CCDC85C: variants seen among roughly 807,000 people sequenced by gnomAD.
CCDC85C encodes coiled-coil domain-containing protein 85C.
A neutral mutation model predicts 38.3 loss-of-function variants in CCDC85C; 18 were observed. The ratio of observed to expected loss-of-function variants is 0.47; its 90% CI spans 0.33 to 0.70. CCDC85C has a LOEUF of 0.70. Ranked by LOEUF, CCDC85C falls within the 30% of genes least tolerant of loss-of-function variation. CCDC85C has a pLI of 0.03. For synonymous variants in CCDC85C, 264 were observed against 293.8 expected, an observed-to-expected ratio of 0.90 and a Z score of 1.04; for missense variants, 566 against 621.2, an observed-to-expected ratio of 0.91 and a Z score of 0.94.
At chr14:99,577,733 C>A (rs1257468675) in intron 1 of CCDC85C, among the ~76,000 whole-genome samples, 4 of 146,650 alleles carry the variant, frequency 2.7e-5, no homozygotes, top group African/African-American at 7.8e-5. Flanking sequence ...CGTCCTGCAT[C>A]CCCCATCAGT....
At chr14:99,524,710 T>G (rs1897350678) in intron 2 of CCDC85C, among the ~76,000 whole-genome samples, 1 of 152,204 alleles carries the variant, frequency 6.6e-6, no homozygotes, top group Non-Finnish European at 1.5e-5. Flanking sequence ...CTTTGCAGAA[T>G]GAGATTCCCT....
Position 99,520,830 on chromosome 14 carries a change from C to T in CCDC85C, c.975+1303G>A, listed in dbSNP as rs1253519992. Among the ~76,000 whole-genome samples the T allele has an allele frequency of 6.6e-6, 1 of 152,194 alleles. No individual in the cohort carries two copies. On this transcript the variant is annotated intron_variant, in intron 3 of 5. Transcript: ENST00000380243. The surrounding 1 kb of genome is among the most constrained non-coding windows in gnomAD (Gnocchi z 4.1). ...GACACCCCTTCATGCACAGAGCAGT[C>T]TAGAGGAAAAAAGGAGGCAAGAGGA... is the stretch of plus-strand genomic sequence containing the variant.
rs3918092 is a variant in CCDC85C, at chr14:99,504,007, G to C, written c.*11239C>G. 3.1e-4 allele frequency: 109 copies of C among 352,736 alleles called. No homozygotes were observed. Among genetic ancestry groups the C allele is most frequent in the South Asian group, 1.2e-3 (57 of 45,692 alleles). 21.9% of individuals were successfully genotyped at this position (352,736 alleles called of 1,614,324 possible). On this transcript the variant is annotated 3_prime_UTR_variant, in exon 6 of 6. Transcript: ENST00000380243. ...CCAAGCACCAAGCCACAGCAGATGCGGGGGGGCAGTAGGGGGTGGTGTGCT... is the reference window on the plus strand; with the variant it reads ...CCAAGCACCAAGCCACAGCAGATGCCGGGGGGCAGTAGGGGGTGGTGTGCT...
intron 3 of CCDC85C, among the ~76,000 whole-genome samples, chr14:99,518,677 C>T (rs944159682): frequency 3.9e-5 from 6 of 152,192 alleles, no homozygotes; most frequent in Admixed American, 1.3e-4. Flanking sequence ...AGAACACAGG[C>T]CATGTGCCAG....
At chr14:99,553,625 A>C (rs770051826) in intron 1 of CCDC85C, among the ~76,000 whole-genome samples, 9 of 152,138 alleles carry the variant, frequency 5.9e-5, no homozygotes, top group Non-Finnish European at 1.0e-4. Flanking sequence ...GGCCTCCCAA[A>C]GTGCTGGGAT....
intron 1 of CCDC85C, among the ~76,000 whole-genome samples, chr14:99,554,794 G>A (rs1006639432): frequency 6.6e-6 from 1 of 152,226 alleles, no homozygotes; most frequent in African/African-American, 2.4e-5. Context: ...CACAGTGAGT[G>A]GAGTAGAGTT....
In CCDC85C at chr14:99,506,935, CCTT is replaced by C. The variant is rs768732469; in HGVS notation, c.*8308_*8310del. The C allele has an allele frequency of 2.7e-5, 19 of 692,640 alleles. No individual in the cohort carries two copies. The highest frequency in any genetic ancestry group is 4.5e-5 in the Non-Finnish European group (17 of 378,046). The allele number at this position is 692,640 out of a possible 1,614,324, so 42.9% of individuals were successfully genotyped here. A position where few individuals can be genotyped will look rare whatever the true frequency, so the allele number is the denominator to read the frequency against. On this transcript the variant is annotated 3_prime_UTR_variant, in exon 6 of 6. Coordinates refer to ENST00000380243, the MANE Select transcript of CCDC85C (RefSeq NM_001144995.2). Reference sequence around the variant, plus strand: ...TTCATGCATAATGGTTTAGCTGAAACCTTCTTCAAGTTCCCTTAAAGCCTTGGT... The same window carrying C: ...TTCATGCATAATGGTTTAGCTGAAACCTTCAAGTTCCCTTAAAGCCTTGGT...
intron 1 of CCDC85C, among the ~76,000 whole-genome samples, chr14:99,564,445 G>A (rs570086383): frequency 1.6e-4 from 24 of 152,342 alleles, no homozygotes; most frequent in East Asian, 9.6e-4. Flanking sequence ...GAGCACGTCC[G>A]CACTTTTCTG....
Position 99,510,520 on chromosome 14 carries a change from TC to T in CCDC85C, c.*4725del. ...CCTGTGCCTCCTCCCCCAGCCTCCTTCCCCCCACCTGCCATCCCACCCCCTA... is the reference window on the plus strand; with the variant it reads ...CCTGTGCCTCCTCCCCCAGCCTCCTTCCCCCACCTGCCATCCCACCCCCTA... On this transcript the variant is annotated 3_prime_UTR_variant, in exon 6 of 6. Coordinates refer to ENST00000380243, the MANE Select transcript of CCDC85C (RefSeq NM_001144995.2). 5.4e-6 allele frequency: 2 copies of T among 367,398 alleles called. No individual in the cohort carries two copies. The highest frequency in any genetic ancestry group is 4.2e-5 in the Admixed American group (1 of 23,938). 22.8% of individuals were successfully genotyped at this position (367,398 alleles called of 1,614,324 possible).
At position 99,508,029 on chromosome 14, in the gene CCDC85C, CCT is replaced by C; in HGVS notation, c.*7215_*7216del. On this transcript the variant is annotated 3_prime_UTR_variant, in exon 6 of 6. Coordinates refer to ENST00000380243, the MANE Select transcript of CCDC85C (RefSeq NM_001144995.2). ...GGTCGATACTCCGGAGGCTTCCAAG[CCT>C]CTGTCAGCAGCTCCTCCAGCCTGCT... The C allele has an allele frequency of 6.6e-6, 1 of 152,380 alleles. No individual in the cohort carries two copies. Among genetic ancestry groups the C allele is most frequent in the South Asian group, 2.1e-4 (1 of 4,830 alleles). 9.4% of individuals were successfully genotyped at this position (152,380 alleles called of 1,614,324 possible).
intron 1 of CCDC85C, among the ~76,000 whole-genome samples, chr14:99,579,119 G>C (rs1325313024): frequency 6.6e-6 from 1 of 152,230 alleles, no homozygotes; most frequent in African/African-American, 2.4e-5. Context: ...TCTGACCCAG[G>C]TGGCCCTGAG....
In CCDC85C at chr14:99,541,656, C is replaced by T. The variant is rs1246708157; in HGVS notation, c.794-5568G>A. Reference sequence around the variant, plus strand: ...CACTGGGAGTATTAACGTCCCAGCACTGCCCAAGAGGAGAATGGACAGGAA... The same window carrying T: ...CACTGGGAGTATTAACGTCCCAGCATTGCCCAAGAGGAGAATGGACAGGAA... On this transcript the variant is annotated intron_variant, in intron 1 of 5. Coordinates refer to ENST00000380243, the MANE Select transcript of CCDC85C (RefSeq NM_001144995.2). Among the ~76,000 whole-genome samples, 3 of 152,192 alleles carry T rather than the reference C, an allele frequency of 2.0e-5. No individual in the cohort carries two copies. The East Asian group carries it at 5.8e-4, about 29-fold the overall frequency.
rs894958116 is a variant in CCDC85C at position 99,501,995 on chromosome 14, T to C, written c.*13251A>G. ...GGATGTGCTAGAATTCTTCTGATTC[T>C]TTAAGGAATAGAGAAATTACTAACT... is the stretch of plus-strand genomic sequence containing the variant. On this transcript the variant is annotated 3_prime_UTR_variant, in exon 6 of 6. Coordinates refer to ENST00000380243, the MANE Select transcript of CCDC85C (RefSeq NM_001144995.2). 16 of 453,530 alleles carry C rather than the reference T, an allele frequency of 3.5e-5. No homozygotes were observed. The South Asian group carries it at 4.9e-4, about 14-fold the overall frequency. The allele number at this position is 453,530 out of a possible 1,614,324, so 28.1% of individuals were successfully genotyped here. A position where few individuals can be genotyped will look rare whatever the true frequency, so the allele number is the denominator to read the frequency against.
chr14:99,563,546 G>A (rs1364903705), intron 1 of CCDC85C, among the ~76,000 whole-genome samples: 3 of 152,250 alleles, frequency 2.0e-5, no homozygotes, highest in Admixed American at 6.5e-5. Context: ...AGGGGGAGCC[G>A]GCAGAAGCAC....
At chr14:99,586,293 G>C (rs2055024731) in intron 1 of CCDC85C, among the ~76,000 whole-genome samples, 5 of 152,220 alleles carry the variant, frequency 3.3e-5, no homozygotes, top group Admixed American at 3.3e-4. Flanking sequence ...GGGGAGTGGG[G>C]ACGTGGCCAT....
chr14:99,568,246 C>CTTTTTTTTTTTTTTTTTTTTTTTTTTTTT lies in CCDC85C; in HGVS notation c.794-32159_794-32158insAAAAAAAAAAAAAAAAAAAAAAAAAAAAA, dbSNP rs776784723. Among the ~76,000 whole-genome samples, 4 of 114,488 alleles carry CTTTTTTTTTTTTTTTTTTTTTTTTTTTTT rather than the reference C, an allele frequency of 3.5e-5. 2 individuals are homozygous for CTTTTTTTTTTTTTTTTTTTTTTTTTTTTT. Among genetic ancestry groups the CTTTTTTTTTTTTTTTTTTTTTTTTTTTTT allele is most frequent in the Admixed American group, 2.0e-4 (2 of 10,018 alleles). The allele number at this position is 114,488 out of a possible 152,430, so 75.1% of individuals were successfully genotyped here. A position where few individuals can be genotyped will look rare whatever the true frequency, so the allele number is the denominator to read the frequency against. On this transcript the variant is annotated intron_variant, in intron 1 of 5. Coordinates refer to ENST00000380243, the MANE Select transcript of CCDC85C (RefSeq NM_001144995.2). ...AGACACTCTCTGGAGGCCACCTGCCCTTTATTTTTTTTTTTTTTTTTTTTG... is the reference window on the plus strand; with the variant it reads ...AGACACTCTCTGGAGGCCACCTGCCCTTTTTTTTTTTTTTTTTTTTTTTTTTTTTTTTATTTTTTTTTTTTTTTTTTTTG...
Position 99,506,715 on chromosome 14 carries a change from T to C in CCDC85C, c.*8531A>G, listed in dbSNP as rs1428263758. 4 of 259,968 alleles carry C rather than the reference T, an allele frequency of 1.5e-5. No individual in the cohort carries two copies. The highest frequency in any genetic ancestry group is 3.0e-5 in the Non-Finnish European group (4 of 131,708). 16.1% of individuals were successfully genotyped at this position (259,968 alleles called of 1,614,324 possible). On this transcript the variant is annotated 3_prime_UTR_variant, in exon 6 of 6. Coordinates refer to ENST00000380243, the MANE Select transcript of CCDC85C (RefSeq NM_001144995.2). The stretch of plus-strand genomic sequence containing the variant: ...GATGTTGCTACTCTGGACCCTTCTT[T>C]GTGTCCTCTGTACCAGGGAGGACTC...
chr14:99,552,931 A>G (rs12888131), intron 1 of CCDC85C, among the ~76,000 whole-genome samples: 80,809 of 152,074 alleles, frequency 0.53, 21,670 homozygotes, highest in African/African-American at 0.58. Flanking sequence ...CCAGGAGCTC[A>G]TTGTCCTGCT....
In CCDC85C at chr14:99,510,686, C is replaced by T. The variant is rs757709075; in HGVS notation, c.*4560G>A. On this transcript the variant is annotated 3_prime_UTR_variant, in exon 6 of 6. Coordinates refer to ENST00000380243, the MANE Select transcript of CCDC85C (RefSeq NM_001144995.2). ...CGCCAGCCAGCTACCCACCTCCTGC[C>T]GTCCCCCCTGGAGGACAGCCTCCTG... 3.7e-5 allele frequency: 52 copies of T among 1,407,162 alleles called. No individual in the cohort carries two copies. The Admixed American group carries it at 6.8e-4, about 18-fold the overall frequency. 87.2% of individuals were successfully genotyped at this position (1,407,162 alleles called of 1,614,324 possible).
Sources: gnomAD v4.1 joint callset for allele counts (sites outside exome capture counted in the v4.1 genomes callset) on GRCh38, gnomAD v4.1.1 for gene constraint, Gnocchi (gnomAD v3.1) non-coding constraint, MANE v1.5 for transcripts, NCBI Gene and HGNC (gene_info 2026-07-23, HGNC 2026-07-21) for gene names.